The following MAP3K7CL variants were observed in gnomAD, a reference collection of about 807,000 sequenced individuals.
MAP3K7CL encodes the protein MAP3K7 C-terminal-like protein.
A neutral mutation model predicts 18.6 loss-of-function variants in MAP3K7CL; 16 were observed. The ratio of observed to expected loss-of-function variants is 0.86; its 90% CI spans 0.58 to 1.31. The LOEUF (loss-of-function observed/expected upper bound fraction) is 1.31. Ranked by LOEUF, MAP3K7CL falls within the 50% of genes most tolerant of loss-of-function variation. MAP3K7CL has a pLI of 0.00. For missense variants in MAP3K7CL, 163 were observed against 174.4 expected, an observed-to-expected ratio of 0.93 and a Z score of 0.37; for synonymous variants, 65 against 66.8, an observed-to-expected ratio of 0.97 and a Z score of 0.13.
intron 1 of MAP3K7CL, among the ~76,000 whole-genome samples, chr21:29,079,078 G>A (rs962796736): frequency 6.6e-5 from 10 of 152,202 alleles, no homozygotes; most frequent in African/African-American, 1.4e-4. Context: ...AATGCAGCTC[G>A]GTGGTTTTGT....
At chr21:29,084,302 T>G (rs1352485149), upstream of MAP3K7CL, among the ~76,000 whole-genome samples, 1 of 152,118 alleles carries the variant, frequency 6.6e-6, no homozygotes, top group Non-Finnish European at 1.5e-5. Flanking sequence ...TAGATTCTAT[T>G]AAAAACAATA....
chr21:29,140,677 G>T (rs942123125), intron 2 of MAP3K7CL, among the ~76,000 whole-genome samples: 1 of 152,200 alleles, frequency 6.6e-6, no homozygotes, highest in Non-Finnish European at 1.5e-5. Context: ...ATGGAGGAAG[G>T]TTACTTCTGG....
chr21:29,140,366 C>G (rs2086979430), intron 2 of MAP3K7CL, among the ~76,000 whole-genome samples: 1 of 152,170 alleles, frequency 6.6e-6, no homozygotes. Flanking sequence ...TCATTGAGTA[C>G]TAAGGAGTAG....
At chr21:29,084,488 C>T (rs1158761561), upstream of MAP3K7CL, among the ~76,000 whole-genome samples, 5 of 152,174 alleles carry the variant, frequency 3.3e-5, no homozygotes, top group African/African-American at 7.2e-5. Context: ...CATCATCATT[C>T]TCACTTGCCC....
intron 4 of MAP3K7CL, among the ~76,000 whole-genome samples, chr21:29,166,025 C>T (rs927240793): frequency 2.0e-5 from 3 of 152,124 alleles, no homozygotes; most frequent in Admixed American, 6.6e-5. Flanking sequence ...ATTCAAAATC[C>T]TCTCTTTTAG....
Position 29,171,664 on chromosome 21 carries a change from C to A in MAP3K7CL, c.249-3048C>A, listed in dbSNP as rs190655713. ...CTCTACTAAAAATACAAAAATTAGC[C>A]AAGTGTGGCGCACACACCTGTAGTC... On this transcript the variant is annotated intron_variant, in intron 4 of 4. Transcript: ENST00000399928. Among the ~76,000 whole-genome samples, 325 of 151,946 alleles carry A rather than the reference C, an allele frequency of 2.1e-3. 1 individual carries two copies. Among genetic ancestry groups the A allele is most frequent in the African/African-American group, 7.6e-3 (314 of 41,448 alleles).
intron 2 of MAP3K7CL, among the ~76,000 whole-genome samples, chr21:29,137,431 G>C (rs567615983): frequency 1.6e-4 from 25 of 152,294 alleles, no homozygotes; most frequent in Admixed American, 1.4e-3. Context: ...GTCACCCAGA[G>C]CAGTTAGTAA....
rs2087520387 is a variant in MAP3K7CL, at chr21:29,160,518, T to C, written c.248+462T>C. On this transcript the variant is annotated intron_variant, in intron 4 of 4. Transcript: ENST00000399928. ...TTTTTATCTTGATAGCTTTTATTAC[T>C]ATTACAGTTCTGCTATAGGGAATTA... is the stretch of plus-strand genomic sequence containing the variant. Among the ~76,000 whole-genome samples, 2 of 152,254 alleles carry C rather than the reference T, an allele frequency of 1.3e-5. 1 individual carries two copies. The highest frequency in any genetic ancestry group is 4.1e-4 in the South Asian group (2 of 4,834).
intron 4 of MAP3K7CL, among the ~76,000 whole-genome samples, chr21:29,095,057 C>G (rs1374158204): frequency 3.2e-5 from 4 of 123,468 alleles, no homozygotes; most frequent in Non-Finnish European, 6.3e-5. Flanking sequence ...GATCCTGTCT[C>G]AGAAATGAAA....
At chr21:29,129,733 C>T (rs1002812031), upstream of MAP3K7CL, among the ~76,000 whole-genome samples, 4 of 152,202 alleles carry the variant, frequency 2.6e-5, no homozygotes, top group African/African-American at 9.6e-5. Flanking sequence ...CAACTGTTTA[C>T]TAAAGTGGGA....
intron 1 of MAP3K7CL, among the ~76,000 whole-genome samples, chr21:29,079,081 G>A (rs564963765): frequency 6.6e-6 from 1 of 152,322 alleles, no homozygotes; most frequent in African/African-American, 2.4e-5. Context: ...GCAGCTCGGT[G>A]GTTTTGTGTT....
At chr21:29,172,723 A>G (rs1475119638) in intron 4 of MAP3K7CL, among the ~76,000 whole-genome samples, 1 of 152,052 alleles carries the variant, frequency 6.6e-6, no homozygotes, top group African/African-American at 2.4e-5. Context: ...ATTTTTTTTA[A>G]CCAATAGTAT....
At chr21:29,168,195 C>T (rs1360949168) in intron 4 of MAP3K7CL, among the ~76,000 whole-genome samples, 1 of 152,110 alleles carries the variant, frequency 6.6e-6, no homozygotes, top group Non-Finnish European at 1.5e-5. Context: ...GACATTTCTC[C>T]ACAAGTGTTT....
chr21:29,174,539 G>A (rs2245023), intron 4 of MAP3K7CL, among the ~76,000 whole-genome samples, 173 bp from the exon 5 acceptor site: 1 of 151,978 alleles, frequency 6.6e-6, no homozygotes, highest in African/African-American at 2.4e-5. Context: ...AGAATAAAGG[G>A]ATATAAAATT....
chr21:29,155,058 C>T (rs2087366986), intron 3 of MAP3K7CL, among the ~76,000 whole-genome samples: 1 of 152,136 alleles, frequency 6.6e-6, no homozygotes. Flanking sequence ...ATTGATAGTG[C>T]TCAACTTGTA....
chr21:29,156,821 G>T (rs2832223), intron 3 of MAP3K7CL, among the ~76,000 whole-genome samples: 28,809 of 152,148 alleles, frequency 0.19, 3,101 homozygotes, highest in East Asian at 0.27. Context: ...TCTTTGATCA[G>T]TTTCCTGGCT....
intron 2 of MAP3K7CL, chr21:29,139,265 C>A (rs1033407511): frequency 2.0e-5 from 3 of 152,118 alleles, no homozygotes; most frequent in Non-Finnish European, 4.4e-5. Flanking sequence ...GAAGTGTCTT[C>A]TTATTTATCA....
intron 4 of MAP3K7CL, among the ~76,000 whole-genome samples, chr21:29,165,611 T>G (rs2735967): frequency 0.88 from 133,379 of 152,262 alleles, 58,694 homozygotes; most frequent in African/African-American, 0.93. Flanking sequence ...TTGCTCAGTC[T>G]CCCAGGCTGC....
intron 4 of MAP3K7CL, among the ~76,000 whole-genome samples, chr21:29,111,765 T>C (rs959817767): frequency 3.3e-5 from 5 of 152,206 alleles, no homozygotes; most frequent in Non-Finnish European, 1.5e-5. Context: ...AAACCATCCT[T>C]ATTTTAGTTT....
Sources: gnomAD v4.1 joint callset for allele counts (sites outside exome capture counted in the v4.1 genomes callset) on GRCh38, gnomAD v4.1.1 for gene constraint, MANE v1.5 for transcripts, NCBI Gene and HGNC (gene_info 2026-07-23, HGNC 2026-07-21) for gene names.